TBC1D1: variants seen among roughly 807,000 people sequenced by gnomAD.
The protein encoded by TBC1D1 is TBC1 (tre-2/USP6, BUB2, cdc16) domain family, member 1.
In TBC1D1, 89 loss-of-function variants were observed where a neutral mutation model predicts 125.6. The ratio of observed to expected loss-of-function variants is 0.71; its 90% CI spans 0.60 to 0.85. TBC1D1 has a LOEUF of 0.85. TBC1D1 is among the 40% of genes least tolerant of loss of function. TBC1D1 has a pLI of 0.00. For synonymous variants in TBC1D1, 565 were observed against 564.1 expected (o/e 1.00, Z -0.02); for missense variants, 1,377 against 1,469.2 (o/e 0.94, Z 1.03).
chr4:37,941,416 T>G (rs1250374165), intron 2 of TBC1D1, among the ~76,000 whole-genome samples: 1 of 152,348 alleles, frequency 6.6e-6, no homozygotes, highest in East Asian at 1.9e-4. Flanking sequence ...TTCTCTCTTT[T>G]CTTCTTTATT....
intron 12 of TBC1D1, among the ~76,000 whole-genome samples, chr4:38,081,189 C>G (rs1043316143): frequency 6.6e-6 from 1 of 152,068 alleles, no homozygotes; most frequent in Non-Finnish European, 1.5e-5. Flanking sequence ...CTCCAGGCTC[C>G]CTGGCCTCCT....
rs925894964 is a variant in TBC1D1 at position 38,114,127 on chromosome 4, C to T, written c.2558-1583C>T. On this transcript the variant is annotated intron_variant, in intron 15 of 19. Transcript: ENST00000261439. ...CCCTGCTTCTGGTGCCCAGGCTAAG[C>T]GCTGGAGTGGAAGATAAAGCTGGGA... Among the ~76,000 whole-genome samples the T allele has an allele frequency of 1.4e-4, 21 of 152,184 alleles. No individual in the cohort carries two copies. In the South Asian group the frequency reaches 3.7e-3, roughly 27 times the overall value.
intron 8 of TBC1D1, 120 bp from the exon 9 acceptor site, chr4:38,044,242 G>C: frequency 2.6e-6 from 3 of 1,134,788 alleles, no homozygotes; most frequent in Non-Finnish European, 3.7e-6. Context: ...GATGAGGTGA[G>C]ATCACAGACA....
intron 7 of TBC1D1, 32 bp from the exon 8 acceptor site, chr4:38,035,556 A>C (rs371924264): frequency 3.1e-5 from 48 of 1,569,456 alleles, no homozygotes; most frequent in African/African-American, 4.1e-5. Context: ...GACGATTAAA[A>C]ATAAATCCTG....
chr4:37,938,096 A>G (rs1724773700), intron 2 of TBC1D1, among the ~76,000 whole-genome samples: 1 of 152,112 alleles, frequency 6.6e-6, no homozygotes, highest in Non-Finnish European at 1.5e-5. Flanking sequence ...AAGAACAAAA[A>G]CTTACTGGGT....
chr4:38,112,029 G>A, intron 15 of TBC1D1: 4 of 985,426 alleles, frequency 4.1e-6, no homozygotes, highest in Non-Finnish European at 4.8e-6. Context: ...GTTTCATGCA[G>A]GACAGATTTT....
At chr4:37,904,231 G>A (rs540198845) in intron 2 of TBC1D1, among the ~76,000 whole-genome samples, 2,827 of 152,336 alleles carry the variant, frequency 0.019, 89 homozygotes, top group African/African-American at 0.065. Context: ...ACTAGAGGCA[G>A]ATTATATGCT....
intron 2 of TBC1D1, among the ~76,000 whole-genome samples, chr4:37,906,386 A>G (rs572237891): frequency 2.0e-5 from 3 of 152,262 alleles, no homozygotes; most frequent in African/African-American, 7.2e-5. Context: ...GACCTCAAGT[A>G]ATCCACCTGC....
intron 2 of TBC1D1, among the ~76,000 whole-genome samples, chr4:37,908,875 A>G (rs959573401): frequency 1.3e-5 from 2 of 152,186 alleles, no homozygotes; most frequent in Non-Finnish European, 2.9e-5. Flanking sequence ...GGAAACAGAC[A>G]TGTAGAAATC....
In TBC1D1 at chr4:38,137,520, TTTG is replaced by T. The variant is rs1766844983; in HGVS notation, c.*191_*193del. 2 of 862,028 alleles carry T rather than the reference TTTG, an allele frequency of 2.3e-6. No individual in the cohort carries two copies. The highest frequency in any genetic ancestry group is 1.6e-6 in the Non-Finnish European group (1 of 634,504). 53.4% of individuals were successfully genotyped at this position (862,028 alleles called of 1,614,324 possible). On this transcript the variant is annotated 3_prime_UTR_variant, in exon 20 of 20. Coordinates refer to ENST00000261439, the MANE Select transcript of TBC1D1 (RefSeq NM_015173.4). ...TCAGGGGGCATGTCCCAGTGTTTTT[TTTG>T]TTGTTTTTAGATACTAAATCGTCCC...
At chr4:38,019,215 AAT>A (rs1212697106) in intron 4 of TBC1D1, among the ~76,000 whole-genome samples, 1 of 152,142 alleles carries the variant, frequency 6.6e-6, no homozygotes, top group Non-Finnish European at 1.5e-5. Flanking sequence ...TAATTGATAA[AAT>A]ATGAAAATGT....
At chr4:38,105,051 G>A (rs1052073447) in intron 15 of TBC1D1, among the ~76,000 whole-genome samples, 8 of 152,030 alleles carry the variant, frequency 5.3e-5, no homozygotes, top group African/African-American at 1.9e-4. Context: ...CACCACACCC[G>A]GCCCCACTTA....
At chr4:37,983,600 C>T (rs1181013926) in intron 2 of TBC1D1, among the ~76,000 whole-genome samples, 1 of 152,208 alleles carries the variant, frequency 6.6e-6, no homozygotes, top group South Asian at 2.1e-4. Context: ...CCTGTCCCCA[C>T]TGAACTTCTC....
rs1742081709 is a variant in TBC1D1, at chr4:38,014,052, A to G, written c.418-457A>G. ...AGAAGACTTTCCAAAGTATACTGCCATGAGATCTAGAATAATTGAGTCATG... is the reference window on the plus strand; with the variant it reads ...AGAAGACTTTCCAAAGTATACTGCCGTGAGATCTAGAATAATTGAGTCATG... On this transcript the variant is annotated intron_variant, in intron 2 of 19. Coordinates refer to ENST00000261439, the MANE Select transcript of TBC1D1 (RefSeq NM_015173.4). The surrounding 1 kb of genome is among the most constrained non-coding windows in gnomAD (Gnocchi z 5.1). Among the ~76,000 whole-genome samples, 1 of 152,234 alleles carries G rather than the reference A, an allele frequency of 6.6e-6. No homozygotes were observed. The highest frequency in any genetic ancestry group is 1.9e-4 in the East Asian group (1 of 5,194).
intron 4 of TBC1D1, 97 bp downstream of exon 4, chr4:38,018,540 G>A (rs1167119376): frequency 2.2e-5 from 17 of 786,088 alleles, no homozygotes; most frequent in Middle Eastern, 3.5e-4. Context: ...GTTACAAGGT[G>A]TATGTTTTCT....
At chr4:37,895,823 C>T (rs879894888) in intron 1 of TBC1D1, among the ~76,000 whole-genome samples, 1 of 152,114 alleles carries the variant, frequency 6.6e-6, no homozygotes, top group Non-Finnish European at 1.5e-5. Flanking sequence ...ACATTTAGAA[C>T]CACTGGTTTC....
At chr4:38,051,085 G>A (rs1255054644) in intron 11 of TBC1D1, among the ~76,000 whole-genome samples, 1 of 152,232 alleles carries the variant, frequency 6.6e-6, no homozygotes, top group Non-Finnish European at 1.5e-5. Context: ...GGCGTTTTCA[G>A]TGATCATTGA....
chr4:38,128,965 C>T (rs1266764687), intron 18 of TBC1D1, among the ~76,000 whole-genome samples: 1 of 152,172 alleles, frequency 6.6e-6, no homozygotes, highest in African/African-American at 2.4e-5. Flanking sequence ...CTGTGGGAGG[C>T]AGGGCAAATA....
rs762303982 is a variant in TBC1D1, at chr4:38,044,390, G to A, written c.1442G>A (p.Gly481Glu). The change falls in exon 9 of 20, where the codon GGA (glycine) becomes GAA (glutamate). Residue 481 changes from glycine to glutamate, a missense_variant. Around this residue, in one of 3 missense-constraint regions of TBC1D1, gnomAD observed 822 missense variants for 824.6 expected, o/e 1.00. Transcript: ENST00000261439. Reference sequence around the variant, plus strand: ...TCGCAGATGGCAGCAGAGAATATTGGAAGTGAATTACCACCCAGTGCCACT... The same window carrying A: ...TCGCAGATGGCAGCAGAGAATATTGAAAGTGAATTACCACCCAGTGCCACT... 5 of 1,609,584 alleles carry A rather than the reference G, an allele frequency of 3.1e-6. No homozygotes were observed. The African/African-American group carries it at 5.4e-5, about 17-fold the overall frequency.
Sources: allele counts gnomAD v4.1 joint callset (sites outside exome capture counted in the v4.1 genomes callset), GRCh38; gene constraint gnomAD v4.1.1; regional missense constraint gnomAD v4.1.1; non-coding constraint Gnocchi (gnomAD v3.1); transcripts MANE v1.5; gene names NCBI Gene and HGNC (gene_info 2026-07-23, HGNC 2026-07-21).